The following CNGA1 variants were observed in gnomAD, a reference collection of about 807,000 sequenced individuals.
CNGA1 encodes the protein cyclic nucleotide gated channel subunit alpha 1, also known as cyclic nucleotide-gated channel alpha-1.
A neutral mutation model predicts 69.7 loss-of-function variants in CNGA1; 53 were observed. That is an observed-to-expected ratio of 0.76 (90% confidence interval 0.61 to 0.96). The LOEUF is 0.96. Among genes scored for constraint, CNGA1 ranks in the 40% least tolerant of loss-of-function variants. CNGA1 has a pLI of 0.00. For missense variants in CNGA1, 739 were observed against 811.2 expected (o/e 0.91, Z 1.08); for synonymous variants, 249 against 283.5 (o/e 0.88, Z 1.22).
At chr4:47,976,029 A>G (rs1479668621) in intron 3 of CNGA1, among the ~76,000 whole-genome samples, 1 of 151,030 alleles carries the variant, frequency 6.6e-6, no homozygotes, top group African/African-American at 2.4e-5. Context: ...CATGCTGATG[A>G]CAGGTGTTTT....
intron 1 of CNGA1, among the ~76,000 whole-genome samples, chr4:48,011,822 C>G (rs759064010): frequency 6.6e-6 from 1 of 152,010 alleles, no homozygotes; most frequent in East Asian, 1.9e-4. Flanking sequence ...CCTAAAGACA[C>G]GGGATTCATA....
intron 4 of CNGA1, among the ~76,000 whole-genome samples, chr4:47,952,368 A>AAAT (rs1739797021): frequency 6.9e-6 from 1 of 144,516 alleles, no homozygotes; most frequent in Non-Finnish European, 1.5e-5. Flanking sequence ...ACTCCATCTC[A>AAAT]AAATAAATAA....
intron 2 of CNGA1, among the ~76,000 whole-genome samples, chr4:48,004,275 C>G (rs896448518): frequency 5.3e-5 from 8 of 152,334 alleles, no homozygotes; most frequent in African/African-American, 1.4e-4. Flanking sequence ...GCCCCTTTGT[C>G]TTGTATCCAA....
chr4:47,982,083 C>G (rs987000387), intron 2 of CNGA1, among the ~76,000 whole-genome samples: 4 of 152,104 alleles, frequency 2.6e-5, no homozygotes, highest in Non-Finnish European at 5.9e-5. Context: ...AAAATCATCA[C>G]AATATTTCAG....
intron 2 of CNGA1, among the ~76,000 whole-genome samples, chr4:47,985,390 T>C (rs1400581720): frequency 6.6e-6 from 1 of 152,226 alleles, no homozygotes; most frequent in Admixed American, 6.5e-5. Flanking sequence ...ATGATGTGAT[T>C]ATAATAAACA....
At chr4:47,990,392 T>C (rs1181554425) in intron 2 of CNGA1, among the ~76,000 whole-genome samples, 1 of 152,110 alleles carries the variant, frequency 6.6e-6, no homozygotes, top group African/African-American at 2.4e-5. Flanking sequence ...AAATACGCCC[T>C]GGTCTCTTGC....
At chr4:47,937,876 A>G (rs1012937454) in intron 10 of CNGA1, 47 bp from the exon 11 acceptor site, 1 of 1,468,930 alleles carries the variant, frequency 6.8e-7, no homozygotes, top group Non-Finnish European at 9.5e-7. Flanking sequence ...TTTTTATGTC[A>G]TTGTGAATTT....
chr4:47,984,648 AT>A (rs373677722), intron 2 of CNGA1, among the ~76,000 whole-genome samples: 8,186 of 84,546 alleles, frequency 0.097, 278 homozygotes, highest in Middle Eastern at 0.14. Flanking sequence ...AATAAAAAAA[AT>A]ATATATATAT....
intron 3 of CNGA1, among the ~76,000 whole-genome samples, chr4:47,979,376 A>G (rs924359411): frequency 4.6e-5 from 7 of 151,928 alleles, no homozygotes; most frequent in Non-Finnish European, 1.0e-4. Context: ...ATGGGAAAGG[A>G]CATTATATTT....
At chr4:47,990,674 G>A (rs1014159021) in intron 2 of CNGA1, among the ~76,000 whole-genome samples, 6 of 152,074 alleles carry the variant, frequency 3.9e-5, no homozygotes, top group South Asian at 2.1e-4. Context: ...TTTGCGGCTC[G>A]GCGTCACCAT....
intron 3 of CNGA1, among the ~76,000 whole-genome samples, chr4:47,980,875 C>T (rs548379117): frequency 1.4e-4 from 8 of 55,264 alleles, no homozygotes; most frequent in Admixed American, 1.4e-3. Context: ...AGTATTGTAT[C>T]CTCGGGCGAG....
At position 47,949,794 on chromosome 4, in the gene CNGA1, A is replaced by C. The variant is rs753156255; in HGVS notation, c.287+39T>G. 1.9e-6 allele frequency: 3 copies of C among 1,563,290 alleles called. No individual in the cohort carries two copies. The Admixed American group carries it at 5.0e-5, about 26-fold the overall frequency. ...TCCTACATTTTTACTGGTTTTCTTT[A>C]AAACCAAAACTTTGGTTTTCTATTG... On this transcript the variant is annotated intron_variant, in intron 6 of 10. Coordinates refer to ENST00000514170, the MANE Select transcript of CNGA1 (RefSeq NM_001379270.1).
rs182855439 is a variant in CNGA1, at chr4:47,964,703, C to T, written c.-14-12000G>A. 7.3e-3 allele frequency among the ~76,000 whole-genome samples: 1,117 copies of T among 152,134 alleles called. 8 individuals are homozygous for T. Among genetic ancestry groups the T allele is most frequent in the Non-Finnish European group, 0.012 (834 of 67,960 alleles). ...ACTGATCTGAAATGTTATTCTAAAA[C>T]TGCCTTTCCAACTATAGAGATTTTG... On this transcript the variant is annotated intron_variant, in intron 3 of 10. Coordinates refer to ENST00000514170, the MANE Select transcript of CNGA1 (RefSeq NM_001379270.1).
chr4:47,950,142 G>A (rs1739654216), intron 5 of CNGA1, among the ~76,000 whole-genome samples: 1 of 152,166 alleles, frequency 6.6e-6, no homozygotes, highest in Admixed American at 6.5e-5. Context: ...GTTTGGCTGT[G>A]TCCCCACCCA....
intron 2 of CNGA1, among the ~76,000 whole-genome samples, chr4:48,007,888 G>A (rs1714990523): frequency 6.6e-6 from 1 of 152,124 alleles, no homozygotes; most frequent in Admixed American, 6.5e-5. Flanking sequence ...AACAGAAGTT[G>A]AGGAAACAAA....
Position 47,966,879 on chromosome 4 carries a change from A to G in CNGA1, c.-14-14176T>C, listed in dbSNP as rs373258483. ...AGAAACCAAATGTTGATTTCAACAA[A>G]TGTAGAAATGCAGAAATGTAGAAAA... On this transcript the variant is annotated intron_variant, in intron 3 of 10. Transcript: ENST00000514170. Among the ~76,000 whole-genome samples the G allele has an allele frequency of 3.5e-4, 54 of 152,362 alleles. 1 individual carries two copies. The South Asian group carries it at 0.011, about 32-fold the overall frequency.
At chr4:48,007,130 A>G (rs1013497625) in intron 2 of CNGA1, among the ~76,000 whole-genome samples, 1 of 152,222 alleles carries the variant, frequency 6.6e-6, no homozygotes, top group Non-Finnish European at 1.5e-5. Context: ...TAATAAAAAC[A>G]GCATGAAGCC....
At chr4:47,950,961 A>C (rs1578076315) in intron 5 of CNGA1, among the ~76,000 whole-genome samples, 1 of 152,306 alleles carries the variant, frequency 6.6e-6, no homozygotes, top group African/African-American at 2.4e-5. Context: ...AGAAATCAGA[A>C]AGGACTGGGT....
At chr4:47,948,002 G>T (rs1654622290) in intron 6 of CNGA1, among the ~76,000 whole-genome samples, 2 of 152,146 alleles carry the variant, frequency 1.3e-5, no homozygotes, top group Admixed American at 6.5e-5. Flanking sequence ...AACTAAATTG[G>T]ACTCCTGACA....
Sources: gnomAD v4.1 joint callset for allele counts (sites outside exome capture counted in the v4.1 genomes callset) on GRCh38, gnomAD v4.1.1 for gene constraint, MANE v1.5 for transcripts, NCBI Gene and HGNC (gene_info 2026-07-23, HGNC 2026-07-21) for gene names.